Variants in NPAS3 observed in about 807,000 individuals in gnomAD.
The protein encoded by NPAS3 is neuronal PAS domain protein 3.
In NPAS3, 14 loss-of-function variants were observed where a neutral mutation model predicts 73.1. The observed-to-expected ratio is 0.19, with a 90% CI of 0.13 to 0.30. NPAS3 has a LOEUF of 0.30. Among genes scored for constraint, NPAS3 ranks in the 10% least tolerant of loss-of-function variants. The pLI, the probability that NPAS3 is intolerant of heterozygous loss-of-function variation, is 1.00. For missense variants in NPAS3, 1,096 were observed against 1,250.0 expected, an observed-to-expected ratio of 0.88 and a Z score of 1.86; for synonymous variants, 620 against 541.5, an observed-to-expected ratio of 1.14 and a Z score of -2.01.
At chr14:33,137,778 A>C (rs563431549) in intron 2 of NPAS3, among the ~76,000 whole-genome samples, 1 of 152,302 alleles carries the variant, frequency 6.6e-6, no homozygotes, top group African/African-American at 2.4e-5. Context: ...AAACATGAAA[A>C]TATATGTGTT....
chr14:33,095,849 T>A (rs893871444), intron 2 of NPAS3, among the ~76,000 whole-genome samples: 9 of 151,480 alleles, frequency 5.9e-5, no homozygotes, highest in African/African-American at 2.2e-4. Context: ...TTTGTATTTT[T>A]TTTTAGTAGA....
intron 5 of NPAS3, among the ~76,000 whole-genome samples, chr14:33,674,180 G>A (rs150369703): frequency 5.5e-4 from 83 of 152,216 alleles, no homozygotes; most frequent in African/African-American, 1.9e-3. Context: ...GCCTATTTCT[G>A]CTCTCTATAA....
Position 33,293,603 on chromosome 14 carries a change from G to A in NPAS3, c.386-73583G>A, listed in dbSNP as rs540113988. On this transcript the variant is annotated intron_variant, in intron 3 of 11. Coordinates refer to ENST00000356141, the Ensembl canonical transcript of NPAS3. Reference sequence around the variant, plus strand: ...AATATGGTGGAAAGCCTAATACAACGCTGAGTAATAGATGTAAAGGGAAGA... The same window carrying A: ...AATATGGTGGAAAGCCTAATACAACACTGAGTAATAGATGTAAAGGGAAGA... Among the ~76,000 whole-genome samples, 48 of 152,250 alleles carry A rather than the reference G, an allele frequency of 3.2e-4. 1 individual carries two copies. In the South Asian group the frequency reaches 9.5e-3, roughly 30 times the overall value.
intron 2 of NPAS3, among the ~76,000 whole-genome samples, chr14:33,138,598 TC>T (rs908469719): frequency 7.2e-5 from 11 of 152,120 alleles, no homozygotes; most frequent in African/African-American, 2.7e-4. Context: ...ATACAAAACA[TC>T]TATGTGTTTA....
At chr14:33,286,057 G>A (rs2041861660) in intron 3 of NPAS3, among the ~76,000 whole-genome samples, 1 of 152,126 alleles carries the variant, frequency 6.6e-6, no homozygotes, top group East Asian at 1.9e-4. Context: ...AACACTTGAA[G>A]GCAGGGACCA....
At chr14:33,086,421 T>A (rs1269096823) in intron 2 of NPAS3, among the ~76,000 whole-genome samples, 1 of 152,166 alleles carries the variant, frequency 6.6e-6, no homozygotes, top group Non-Finnish European at 1.5e-5. Flanking sequence ...ATATTAGTAT[T>A]GCAGAGGGAC....
intron 3 of NPAS3, among the ~76,000 whole-genome samples, chr14:33,284,222 C>A (rs1046311646): frequency 1.3e-5 from 2 of 152,114 alleles, no homozygotes; most frequent in African/African-American, 4.8e-5. Context: ...GGGAAATGTA[C>A]TTCTCTATCC....
chr14:33,328,401 CTATTT>C (rs1042638323), intron 3 of NPAS3, among the ~76,000 whole-genome samples: 18 of 141,722 alleles, frequency 1.3e-4, no homozygotes, highest in East Asian at 6.2e-4. Context: ...TGTTTTTTCT[CTATTT>C]TATTTATTGA....
At chr14:33,012,585 C>T (rs955147684) in intron 1 of NPAS3, among the ~76,000 whole-genome samples, 2 of 150,700 alleles carry the variant, frequency 1.3e-5, no homozygotes, top group Admixed American at 6.6e-5. Flanking sequence ...GTCTCGCTCT[C>T]TCGCCTGGGC....
chr14:33,050,309 C>A (rs1453294823), intron 1 of NPAS3, among the ~76,000 whole-genome samples: 1 of 152,110 alleles, frequency 6.6e-6, no homozygotes, highest in African/African-American at 2.4e-5. Flanking sequence ...TGTCTTCAAC[C>A]CATTGGACCC....
At chr14:33,077,774 G>GGTTTTTTTTGTTTTTTTTTT (rs1555333248) in intron 2 of NPAS3, among the ~76,000 whole-genome samples, 1 of 87,470 alleles carries the variant, frequency 1.1e-5, no homozygotes. Flanking sequence ...TGCAGTAAGG[G>GGTTTTTTTTGTTTTTTTTTT]TTTTTTTTTT....
intron 2 of NPAS3, among the ~76,000 whole-genome samples, chr14:33,186,063 G>A (rs1467120412): frequency 6.6e-6 from 1 of 152,094 alleles, no homozygotes; most frequent in Non-Finnish European, 1.5e-5. Flanking sequence ...TGCTGGGTTA[G>A]GAGATCACTG....
intron 3 of NPAS3, among the ~76,000 whole-genome samples, chr14:33,290,420 C>T (rs931722474): frequency 6.6e-6 from 1 of 152,140 alleles, no homozygotes; most frequent in Non-Finnish European, 1.5e-5. Flanking sequence ...GAAAGAGGGG[C>T]TAAGTGTGTT....
chr14:33,631,219 A>C (rs780493167), intron 5 of NPAS3, among the ~76,000 whole-genome samples: 22 of 152,206 alleles, frequency 1.4e-4, no homozygotes, highest in Non-Finnish European at 3.2e-4. Context: ...ACTGCAGCCA[A>C]GTCCTTGGTG....
chr14:33,674,209 T>C (rs2059690622), intron 5 of NPAS3, among the ~76,000 whole-genome samples: 1 of 152,104 alleles, frequency 6.6e-6, no homozygotes, highest in Non-Finnish European at 1.5e-5. Flanking sequence ...TACATGAACA[T>C]TCAATAACCA....
intron 4 of NPAS3, among the ~76,000 whole-genome samples, chr14:33,412,794 GATA>G (rs2047986161): frequency 1.3e-5 from 2 of 152,162 alleles, no homozygotes; most frequent in Non-Finnish European, 2.9e-5. Flanking sequence ...CATTAAATCA[GATA>G]ATGTCTTTGG....
chr14:33,168,264 A>G (rs115667106), intron 2 of NPAS3, among the ~76,000 whole-genome samples: 1 of 152,238 alleles, frequency 6.6e-6, no homozygotes, highest in African/African-American at 2.4e-5. Flanking sequence ...TCTCTTTAGT[A>G]TAGTTTAGAG....
chr14:33,376,740 A>G (rs1245876692), intron 4 of NPAS3, among the ~76,000 whole-genome samples: 1 of 152,206 alleles, frequency 6.6e-6, no homozygotes, highest in Non-Finnish European at 1.5e-5. Context: ...TCATTTATTA[A>G]CTGTGTGCAC....
At chr14:33,107,052 C>T (rs1279328) in intron 2 of NPAS3, among the ~76,000 whole-genome samples, 20,315 of 151,986 alleles carry the variant, frequency 0.13, 1,813 homozygotes, top group East Asian at 0.38. Context: ...GTCTTCCACT[C>T]AGAATAAAGG....
Sources: allele counts gnomAD v4.1 joint callset (sites outside exome capture counted in the v4.1 genomes callset), GRCh38; gene constraint gnomAD v4.1.1; transcripts MANE v1.5; gene names NCBI Gene and HGNC (gene_info 2026-07-23, HGNC 2026-07-21).